The following LYPD6 variants were observed in gnomAD, a reference collection of about 807,000 sequenced individuals.
LYPD6 encodes LY6/PLAUR domain containing 6, also known as ly6/PLAUR domain-containing protein 6.
In LYPD6, 15 loss-of-function variants were observed where a neutral mutation model predicts 22.7. The observed-to-expected ratio is 0.66, with a 90% CI of 0.44 to 1.02. The LOEUF is 1.02. Ranked by LOEUF, LYPD6 falls within the 50% of genes least tolerant of loss-of-function variation. The pLI is 0.00. For missense variants in LYPD6, 189 were observed against 208.4 expected, an observed-to-expected ratio of 0.91 and a Z score of 0.57; for synonymous variants, 72 against 77.5, an observed-to-expected ratio of 0.93 and a Z score of 0.37.
chr2:149,401,489 T>A (rs919719718), intron 1 of LYPD6, among the ~76,000 whole-genome samples: 9 of 152,214 alleles, frequency 5.9e-5, no homozygotes, highest in Admixed American at 3.9e-4. Flanking sequence ...GGAAGCCCTC[T>A]GTGAGCCCCA....
intron 1 of LYPD6, among the ~76,000 whole-genome samples, chr2:149,425,895 A>G (rs1683178918): frequency 6.6e-6 from 1 of 152,238 alleles, no homozygotes; most frequent in Admixed American, 6.5e-5. Flanking sequence ...CCCTTTCACA[A>G]AAATAAAACT....
chr2:149,446,576 C>G (rs992821055), intron 2 of LYPD6, among the ~76,000 whole-genome samples: 1 of 152,138 alleles, frequency 6.6e-6, no homozygotes. Flanking sequence ...CATTTTCCCC[C>G]TATTAAAATT....
intron 1 of LYPD6, among the ~76,000 whole-genome samples, chr2:149,347,314 A>G (rs1260716145): frequency 6.6e-6 from 1 of 152,190 alleles, no homozygotes; most frequent in Non-Finnish European, 1.5e-5. Flanking sequence ...CTGTCGCATC[A>G]CATTGGGGTT....
At chr2:149,407,444 T>G (rs2105117598) in intron 1 of LYPD6, among the ~76,000 whole-genome samples, 1 of 152,312 alleles carries the variant, frequency 6.6e-6, no homozygotes, top group South Asian at 2.1e-4. Context: ...TTTTATTCTT[T>G]TTTCTCTAAA....
chr2:149,452,863 C>T lies in LYPD6; in HGVS notation c.217+3716C>T, dbSNP rs1368357079. Among the ~76,000 whole-genome samples the T allele has an allele frequency of 3.9e-5, 6 of 152,166 alleles. No homozygotes were observed. The East Asian group carries it at 1.2e-3, about 29-fold the overall frequency. On this transcript the variant is annotated intron_variant, in intron 3 of 4. Transcript: ENST00000334166. ...CTCCTGACTGGAATCACTCTTTTGG[C>T]AGTGGCGGCATCAGCTGGACACACC...
chr2:149,372,417 A>G (rs1466176803), intron 1 of LYPD6, among the ~76,000 whole-genome samples: 1 of 152,238 alleles, frequency 6.6e-6, no homozygotes, highest in Non-Finnish European at 1.5e-5. Context: ...AGATTGGTTC[A>G]AAGCCCATGA....
intron 1 of LYPD6, among the ~76,000 whole-genome samples, chr2:149,428,606 C>T (rs1472807653): frequency 6.6e-6 from 1 of 152,118 alleles, no homozygotes; most frequent in Non-Finnish European, 1.5e-5. Context: ...TCTAATTGGC[C>T]AGACTTGGTG....
intron 1 of LYPD6, among the ~76,000 whole-genome samples, chr2:149,406,140 A>T (rs1394561778): frequency 7.4e-5 from 11 of 148,948 alleles, no homozygotes; most frequent in Non-Finnish European, 1.1e-4. Flanking sequence ...TGCTGAGGAG[A>T]GCTTTACTTC....
At chr2:149,362,164 T>C (rs1681582892) in intron 1 of LYPD6, among the ~76,000 whole-genome samples, 1 of 152,184 alleles carries the variant, frequency 6.6e-6, no homozygotes, top group Admixed American at 6.5e-5. Context: ...AGTTTCGAGC[T>C]ACTAATTTTG....
At chr2:149,344,164 A>G (rs745552084) in intron 1 of LYPD6, among the ~76,000 whole-genome samples, 2 of 151,988 alleles carry the variant, frequency 1.3e-5, no homozygotes, top group Admixed American at 6.6e-5. Context: ...CTCTCCTCCT[A>G]TTTCTTTCCT....
chr2:149,432,949 G>C (rs372687826), intron 1 of LYPD6, among the ~76,000 whole-genome samples: 1 of 152,118 alleles, frequency 6.6e-6, no homozygotes, highest in African/African-American at 2.4e-5. Context: ...GTTATTAAAA[G>C]TTTTTCTCTA....
intron 1 of LYPD6, among the ~76,000 whole-genome samples, chr2:149,423,403 A>G (rs753784144): frequency 6.6e-6 from 1 of 152,112 alleles, no homozygotes; most frequent in Non-Finnish European, 1.5e-5. Context: ...AAGGGGGGAA[A>G]TTTTGATAGG....
intron 3 of LYPD6, among the ~76,000 whole-genome samples, chr2:149,456,374 GACC>G (rs1257939905): frequency 1.3e-5 from 2 of 152,110 alleles, no homozygotes; most frequent in African/African-American, 4.8e-5. Context: ...ATTAAGAAAT[GACC>G]AGCATCTTAG....
rs544848982 is a variant in LYPD6, at chr2:149,465,785, T to A, written c.218-2860T>A. Among the ~76,000 whole-genome samples the A allele has an allele frequency of 2.6e-5, 4 of 152,290 alleles. No homozygotes were observed. The South Asian group carries it at 8.3e-4, about 32-fold the overall frequency. On this transcript the variant is annotated intron_variant, in intron 3 of 4. Coordinates refer to ENST00000334166, the MANE Select transcript of LYPD6 (RefSeq NM_194317.5). Reference sequence around the variant, plus strand: ...CACATGGGTGTGAATTTCATAAAAATTATATTTTCCAATTGTTGATGAAGT... The same window carrying A: ...CACATGGGTGTGAATTTCATAAAAAATATATTTTCCAATTGTTGATGAAGT...
intron 1 of LYPD6, among the ~76,000 whole-genome samples, chr2:149,353,765 C>T (rs1178224933): frequency 6.6e-6 from 1 of 150,956 alleles, no homozygotes; most frequent in Non-Finnish European, 1.5e-5. Flanking sequence ...CATAAATGTG[C>T]TCATTAAAAA....
At chr2:149,375,036 A>G (rs1378467603) in intron 1 of LYPD6, among the ~76,000 whole-genome samples, 3 of 152,128 alleles carry the variant, frequency 2.0e-5, no homozygotes, top group East Asian at 1.9e-4. Flanking sequence ...GTCTTCAAGG[A>G]TCTAGAGAGA....
At chr2:149,374,179 G>T (rs892200961) in intron 1 of LYPD6, among the ~76,000 whole-genome samples, 18 of 152,172 alleles carry the variant, frequency 1.2e-4, no homozygotes, top group African/African-American at 4.3e-4. Context: ...AGAAACCAGG[G>T]CAGGGAAGGC....
chr2:149,334,261 A>T (rs1680992285), intron 1 of LYPD6, among the ~76,000 whole-genome samples: 1 of 152,226 alleles, frequency 6.6e-6, no homozygotes, highest in Non-Finnish European at 1.5e-5. Context: ...GTTAAAAAAA[A>T]ATCCTTGCAA....
chr2:149,459,945 G>A (rs549027826), intron 3 of LYPD6, among the ~76,000 whole-genome samples: 47 of 151,832 alleles, frequency 3.1e-4, no homozygotes, highest in Non-Finnish European at 5.6e-4. Flanking sequence ...AGGTATTAGG[G>A]CATAAAAAGA....
Sources: allele counts gnomAD v4.1 joint callset (sites outside exome capture counted in the v4.1 genomes callset), GRCh38; gene constraint gnomAD v4.1.1; transcripts MANE v1.5; gene names NCBI Gene and HGNC (gene_info 2026-07-23, HGNC 2026-07-21).